Variants in CDK12 observed in about 807,000 individuals in gnomAD.
CDK12 encodes the protein cyclin-dependent kinase 12.
In CDK12, 17 loss-of-function variants were observed where a neutral mutation model predicts 133.8. The ratio of observed to expected loss-of-function variants is 0.13; its 90% CI spans 0.09 to 0.19. The LOEUF is 0.19. CDK12 is among the 10% of genes least tolerant of loss of function. CDK12 has a pLI of 1.00. For missense variants in CDK12, 1,508 were observed against 1,818.7 expected (o/e 0.83, Z 3.11); for synonymous variants, 694 against 683.6 (o/e 1.02, Z -0.24).
chr17:39,516,837 G>A (rs1274680051), intron 9 of CDK12, among the ~76,000 whole-genome samples: 3 of 150,994 alleles, frequency 2.0e-5, no homozygotes, highest in African/African-American at 7.3e-5. Flanking sequence ...TCATTTTTTT[G>A]TATTTTTAGT....
chr17:39,542,663 A>G (rs945530936), intron 1 of CDK12, among the ~76,000 whole-genome samples: 9 of 150,028 alleles, frequency 6.0e-5, no homozygotes, highest in Non-Finnish European at 8.9e-5. Context: ...GGCATGTGCC[A>G]CCATGCCCGG....
chr17:39,521,820 C>G (rs2054190921), intron 11 of CDK12, among the ~76,000 whole-genome samples: 1 of 151,986 alleles, frequency 6.6e-6, no homozygotes, highest in Non-Finnish European at 1.5e-5. Context: ...CCTCAGCCTC[C>G]CAAAGTGTTG....
chr17:39,565,265 C>T (rs1486272086), downstream of CDK12, among the ~76,000 whole-genome samples: 1 of 152,158 alleles, frequency 6.6e-6, no homozygotes, highest in Non-Finnish European at 1.5e-5. Flanking sequence ...AGGCGCCCGC[C>T]ACCACGCCCA....
intron 11 of CDK12, among the ~76,000 whole-genome samples, chr17:39,521,751 A>G (rs2054185132): frequency 6.6e-6 from 1 of 151,858 alleles, no homozygotes; most frequent in South Asian, 2.1e-4. Flanking sequence ...TAGTAGAGAC[A>G]GGGTTTCACC....
chr17:39,501,222 C>A, intron 5 of CDK12, 28 bp from the exon 6 acceptor site: 3 of 1,414,054 alleles, frequency 2.1e-6, no homozygotes, highest in Non-Finnish European at 2.8e-6. Context: ...TTTTTTCTTG[C>A]TTTTAATTTT....
intron 11 of CDK12, among the ~76,000 whole-genome samples, chr17:39,521,774 G>C (rs2146616095): frequency 6.6e-6 from 1 of 151,730 alleles, no homozygotes; most frequent in South Asian, 2.1e-4. Flanking sequence ...GTTGGCCAAG[G>C]TGGTCTCAAA....
At chr17:39,563,463 G>GCGCC (rs781306878) in intron 3 of CDK12, among the ~76,000 whole-genome samples, 1 of 31,750 alleles carries the variant, frequency 3.1e-5, no homozygotes, top group Non-Finnish European at 6.1e-5. Context: ...CTTGCTTCCC[G>GCGCC]CCCCCCCCCC....
At position 39,494,610 on chromosome 17, in the gene CDK12, C is replaced by T. The variant is rs1217963220; in HGVS notation, c.2335C>T (p.Arg779Cys). ...AGCCATTCGTGAAATCAAAATCCTT[C>T]GTCAGTTAATCCACCGAAGTGTTGT... ...ITAIREIKIL[R>C]QLIHRSVVNM... The change falls in exon 5 of 14, where the codon CGT becomes TGT. Residue 779 changes from arginine to cysteine, a missense_variant. By Grantham distance (180) the Arg-to-Cys change is radical. This residue lies in a region of CDK12 where 74 missense variants were observed against 160.2 expected (regional missense o/e 0.46). Coordinates refer to ENST00000447079, the MANE Select transcript of CDK12 (RefSeq NM_016507.4). 4.3e-6 allele frequency: 7 copies of T among 1,612,408 alleles called. No individual in the cohort carries two copies. Among genetic ancestry groups the T allele is most frequent in the African/African-American group, 1.3e-5 (1 of 74,830 alleles).
At chr17:39,496,466 G>A (rs142776574) in intron 5 of CDK12, among the ~76,000 whole-genome samples, 3 of 152,184 alleles carry the variant, frequency 2.0e-5, no homozygotes, top group East Asian at 1.9e-4. Context: ...TTGGGAGGCC[G>A]AGTCAGGTTG....
chr17:39,480,564 C>A (rs1302981058), intron 2 of CDK12, among the ~76,000 whole-genome samples: 1 of 152,066 alleles, frequency 6.6e-6, no homozygotes, highest in Non-Finnish European at 1.5e-5. Flanking sequence ...TCCTCAGTCT[C>A]CCAAGTAGTT....
chr17:39,555,420 C>T (rs2056116611), intron 2 of CDK12, among the ~76,000 whole-genome samples: 1 of 151,936 alleles, frequency 6.6e-6, no homozygotes, highest in South Asian at 2.1e-4. Context: ...CCTCTGCCCA[C>T]TTGCTCTTGG....
chr17:39,479,192 C>T (rs2050441796), intron 2 of CDK12, among the ~76,000 whole-genome samples: 1 of 151,676 alleles, frequency 6.6e-6, no homozygotes, highest in African/African-American at 2.4e-5. Flanking sequence ...CCTGTAGTCC[C>T]AGCAGCTCGG....
rs753244792 is a variant in CDK12, at chr17:39,462,141, T to C, written c.70T>C (p.Ser24Pro). ...AGGAGCTTCTGGAACTTTGCAGCCG[T>C]CATCGGGAGGCGGCAGCTCTAACAG... ...SGGASGTLQPSSGGGSSNSRE... is the reference protein window; with the variant it reads ...SGGASGTLQPPSGGGSSNSRE... The change falls in exon 1 of 14, where the codon TCA becomes CCA. Residue 24 changes from serine to proline, a missense_variant. By Grantham distance (74) the Ser-to-Pro change is moderately conservative (BLOSUM62 -1). Transcript: ENST00000447079. 5.6e-6 allele frequency: 9 copies of C among 1,614,100 alleles called. No individual in the cohort carries two copies. The East Asian group carries it at 1.8e-4, about 32-fold the overall frequency.
chr17:39,510,012 G>A (rs1406965370), intron 7 of CDK12, among the ~76,000 whole-genome samples: 2 of 151,784 alleles, frequency 1.3e-5, no homozygotes, highest in Non-Finnish European at 2.9e-5. Flanking sequence ...ATGTTGCCTA[G>A]GTTAGTCTTG....
intron 8 of CDK12, among the ~76,000 whole-genome samples, chr17:39,513,667 G>C (rs375705336): frequency 6.6e-6 from 1 of 152,088 alleles, no homozygotes; most frequent in Non-Finnish European, 1.5e-5. Context: ...TCCCACCAAA[G>C]GACTGGAAAC....
intron 3 of CDK12, among the ~76,000 whole-genome samples, chr17:39,563,472 C>CG (rs977661175): frequency 1.1e-5 from 1 of 90,230 alleles, no homozygotes; most frequent in African/African-American, 3.9e-5. Flanking sequence ...CGCCCCCCCC[C>CG]CGCCCCCATA....
intron 2 of CDK12, among the ~76,000 whole-genome samples, chr17:39,474,720 A>AG (rs1456660486): frequency 6.6e-6 from 1 of 151,284 alleles, no homozygotes; most frequent in Non-Finnish European, 1.5e-5. Flanking sequence ...GTAAATGGAA[A>AG]GGGGGAAAAA....
upstream of CDK12, chr17:39,546,287 C>G (rs1412122719): frequency 2.0e-5 from 3 of 151,934 alleles, no homozygotes; most frequent in Non-Finnish European, 4.4e-5. Flanking sequence ...TCACTCCATT[C>G]TCCCGCCTCA....
chr17:39,561,219 G>C (rs1000717449), intron 3 of CDK12, among the ~76,000 whole-genome samples: 18 of 152,336 alleles, frequency 1.2e-4, no homozygotes, highest in African/African-American at 3.6e-4. Context: ...CTTTGGAAAT[G>C]TGCTGTTGAA....
Sources: allele counts gnomAD v4.1 joint callset (sites outside exome capture counted in the v4.1 genomes callset), GRCh38; gene constraint gnomAD v4.1.1; regional missense constraint gnomAD v4.1.1; transcripts MANE v1.5; gene names NCBI Gene and HGNC (gene_info 2026-07-23, HGNC 2026-07-21).